Variants in BNC2 observed in about 807,000 individuals in gnomAD.
BNC2 encodes the protein zinc finger protein basonuclin-2.
A neutral mutation model predicts 76.3 loss-of-function variants in BNC2; 20 were observed. The observed-to-expected ratio is 0.26, with a 90% CI of 0.18 to 0.38. BNC2 has a LOEUF of 0.38. BNC2 is among the 10% of genes least tolerant of loss of function. The pLI is 1.00. For missense variants in BNC2, 1,382 were observed against 1,399.8 expected, an observed-to-expected ratio of 0.99 and a Z score of 0.20; for synonymous variants, 582 against 514.8, an observed-to-expected ratio of 1.13 and a Z score of -1.77.
intron 3 of BNC2, among the ~76,000 whole-genome samples, chr9:16,651,684 T>C (rs368630020): frequency 1.3e-4 from 20 of 152,286 alleles, no homozygotes; most frequent in African/African-American, 3.1e-4. Flanking sequence ...ATAAGGCCAC[T>C]AGTCTGTTAC....
chr9:16,438,379 T>C (rs1309832472), intron 5 of BNC2, among the ~76,000 whole-genome samples: 3 of 152,196 alleles, frequency 2.0e-5, no homozygotes, highest in Non-Finnish European at 4.4e-5. Context: ...CCTCCTCTGA[T>C]AGCAAAGGGA....
At position 16,435,796 on chromosome 9, in the gene BNC2, T is replaced by C; in HGVS notation, c.2398A>G (p.Ser800Gly). Residue 800 changes from serine to glycine, a missense_variant, in exon 6 of 7, where the codon AGC (serine) becomes GGC (glycine). By Grantham distance (56) the Ser-to-Gly change is moderately conservative (BLOSUM62 0). This residue lies in a region of BNC2 where 798 missense variants were observed against 775.5 expected (regional missense o/e 1.03). Transcript: ENST00000380672. ...QYGLYNGGGA[S>G]MAALHESFTS... ...AAGCTCTCATGCAAGGCGGCCATGC[T>C]GGCACCCCCACCATTGTACAGTCCA... 2 of 1,614,184 alleles carry C rather than the reference T, an allele frequency of 1.2e-6. No homozygotes were observed. The highest frequency in any genetic ancestry group is 1.7e-6 in the Non-Finnish European group (2 of 1,180,024).
intron 5 of BNC2, among the ~76,000 whole-genome samples, chr9:16,467,843 A>T (rs1323734547): frequency 6.9e-6 from 1 of 145,360 alleles, no homozygotes; most frequent in Non-Finnish European, 1.5e-5. Context: ...AAAAAAAAAA[A>T]ATTAAAAAAA....
chr9:16,781,942 A>G (rs1195922804), intron 1 of BNC2, among the ~76,000 whole-genome samples: 3 of 152,192 alleles, frequency 2.0e-5, no homozygotes, highest in Non-Finnish European at 4.4e-5. Context: ...ATATTTACAA[A>G]ATGACAAGTA....
intron 5 of BNC2, among the ~76,000 whole-genome samples, chr9:16,537,688 G>C (rs1035658398): frequency 6.6e-6 from 1 of 152,094 alleles, no homozygotes; most frequent in African/African-American, 2.4e-5. Context: ...TAAAATAAAT[G>C]GCAACCAGAC....
intron 3 of BNC2, among the ~76,000 whole-genome samples, chr9:16,666,364 T>C (rs1210538741): frequency 1.3e-5 from 2 of 152,216 alleles, no homozygotes; most frequent in African/African-American, 4.8e-5. Context: ...CCTATAACTC[T>C]ATATAGAAAT....
At chr9:16,546,852 A>G (rs1412252451) in intron 5 of BNC2, among the ~76,000 whole-genome samples, 1 of 152,234 alleles carries the variant, frequency 6.6e-6, no homozygotes, top group East Asian at 1.9e-4. Flanking sequence ...AACAAAAAAC[A>G]AACATCCAAA....
intron 3 of BNC2, among the ~76,000 whole-genome samples, chr9:16,661,832 AAC>A (rs1822119821): frequency 6.6e-6 from 1 of 152,218 alleles, no homozygotes; most frequent in Admixed American, 6.5e-5. Context: ...GTTAAATAAT[AAC>A]AGAGGTTTTT....
At chr9:16,621,745 T>C (rs1392565447) in intron 3 of BNC2, among the ~76,000 whole-genome samples, 2 of 152,168 alleles carry the variant, frequency 1.3e-5, no homozygotes, top group African/African-American at 4.8e-5. Context: ...GAAATGTGGC[T>C]AGTCCAAGTT....
At chr9:16,869,810 C>G (rs1819632496) in intron 1 of BNC2, among the ~76,000 whole-genome samples, 1 of 152,200 alleles carries the variant, frequency 6.6e-6, no homozygotes, top group Non-Finnish European at 1.5e-5. Flanking sequence ...CAGCCCATCT[C>G]CTCCACCACT....
intron 5 of BNC2, among the ~76,000 whole-genome samples, chr9:16,470,179 A>G (rs1251625448): frequency 6.6e-6 from 1 of 151,624 alleles, no homozygotes; most frequent in African/African-American, 2.4e-5. Context: ...TTATATTTTT[A>G]GTATAGATGG....
chr9:16,519,354 C>G (rs545586074), intron 5 of BNC2, among the ~76,000 whole-genome samples: 1 of 152,174 alleles, frequency 6.6e-6, no homozygotes, highest in Non-Finnish European at 1.5e-5. Flanking sequence ...AAAATTCTAA[C>G]GTAAAGTCCC....
intron 1 of BNC2, among the ~76,000 whole-genome samples, chr9:16,810,893 A>C (rs550780649): frequency 6.6e-6 from 1 of 152,030 alleles, no homozygotes; most frequent in South Asian, 2.1e-4. Context: ...ATCTCCCCAA[A>C]TTTTTTTTAA....
intron 1 of BNC2, among the ~76,000 whole-genome samples, chr9:16,816,022 G>A (rs1586906680): frequency 2.0e-5 from 3 of 152,106 alleles, no homozygotes; most frequent in East Asian, 3.9e-4. Flanking sequence ...CTGCCTATTT[G>A]CCCCTTGTGT....
chr9:16,598,758 A>G (rs1820163181), intron 3 of BNC2, among the ~76,000 whole-genome samples: 2 of 152,180 alleles, frequency 1.3e-5, no homozygotes, highest in Admixed American at 1.3e-4. Context: ...AACCCAAAAT[A>G]GGAAAACAGA....
chr9:16,463,421 C>T lies in BNC2; in HGVS notation c.670-25897G>A, dbSNP rs1285283644. On this transcript the variant is annotated intron_variant, in intron 5 of 6. Coordinates refer to ENST00000380672, the MANE Select transcript of BNC2 (RefSeq NM_017637.6). ...ACGCCATTCTCCTGCCTCAGCCTCC[C>T]AAGTAGCTGGGACTACAGGCGCCCG... is the stretch of plus-strand genomic sequence containing the variant. Among the ~76,000 whole-genome samples the T allele has an allele frequency of 2.1e-4, 30 of 145,626 alleles. 1 individual carries two copies. Among genetic ancestry groups the T allele is most frequent in the Admixed American group, 1.9e-3 (28 of 14,900 alleles).
At chr9:16,532,162 C>A (rs188962155) in intron 5 of BNC2, among the ~76,000 whole-genome samples, 4 of 150,928 alleles carry the variant, frequency 2.7e-5, no homozygotes, top group African/African-American at 7.3e-5. Context: ...TTAGGAAGCA[C>A]TGACTATAGG....
intron 3 of BNC2, among the ~76,000 whole-genome samples, chr9:16,710,333 T>G (rs778164614): frequency 6.6e-6 from 1 of 152,212 alleles, no homozygotes; most frequent in Non-Finnish European, 1.5e-5. Context: ...ACAGAGTCCA[T>G]TGAAAATAAA....
Position 16,493,647 on chromosome 9 carries a change from G to C in BNC2, c.670-56123C>G, listed in dbSNP as rs948694381. Among the ~76,000 whole-genome samples the C allele has an allele frequency of 4.6e-5, 7 of 152,118 alleles. 1 individual carries two copies. The highest frequency in any genetic ancestry group is 1.4e-4 in the African/African-American group (6 of 41,416). Reference sequence around the variant, plus strand: ...TACAAATCCAAATAAGACCCTCAAGGAGCTTATGTGGTTTAATGGAAGAGC... The same window carrying C: ...TACAAATCCAAATAAGACCCTCAAGCAGCTTATGTGGTTTAATGGAAGAGC... On this transcript the variant is annotated intron_variant, in intron 5 of 6. Coordinates refer to ENST00000380672, the MANE Select transcript of BNC2 (RefSeq NM_017637.6).
Sources: allele counts gnomAD v4.1 joint callset (sites outside exome capture counted in the v4.1 genomes callset), GRCh38; gene constraint gnomAD v4.1.1; regional missense constraint gnomAD v4.1.1; transcripts MANE v1.5; gene names NCBI Gene and HGNC (gene_info 2026-07-23, HGNC 2026-07-21).